TAF3: variants seen among roughly 807,000 people sequenced by gnomAD.
TAF3 encodes the protein transcription initiation factor TFIID subunit 3.
Under a neutral mutation model 80.6 loss-of-function variants are expected in TAF3, and 7 were observed. The ratio of observed to expected loss-of-function variants is 0.09; its 90% CI spans 0.05 to 0.16. TAF3 has a LOEUF of 0.16. Ranked by LOEUF, TAF3 falls within the 10% of genes least tolerant of loss-of-function variation. The pLI is 1.00. For synonymous variants in TAF3, 444 were observed against 446.1 expected (o/e 1.00, Z 0.06); for missense variants, 921 against 1,140.2 (o/e 0.81, Z 2.77).
chr10:7,846,174 G>A (rs1836970408), intron 2 of TAF3, among the ~76,000 whole-genome samples: 1 of 152,044 alleles, frequency 6.6e-6, no homozygotes, highest in South Asian at 2.1e-4. Flanking sequence ...AGCCAGGACG[G>A]TCTCGATCTC....
intron 2 of TAF3, among the ~76,000 whole-genome samples, chr10:7,897,636 A>C (rs1588543371): frequency 6.9e-6 from 1 of 143,910 alleles, no homozygotes; most frequent in African/African-American, 2.6e-5. Context: ...CCTTTCTCCT[A>C]GTTCCTATTC....
At chr10:8,001,920 C>T (rs937973361) in intron 4 of TAF3, among the ~76,000 whole-genome samples, 2 of 152,144 alleles carry the variant, frequency 1.3e-5, no homozygotes, top group African/African-American at 4.8e-5. Flanking sequence ...CAAACATTTT[C>T]CACTATAACA....
At chr10:7,915,405 G>A (rs1837701326) in intron 2 of TAF3, among the ~76,000 whole-genome samples, 1 of 150,126 alleles carries the variant, frequency 6.7e-6, no homozygotes, top group African/African-American at 2.4e-5. Context: ...AGCACTTTGG[G>A]AGGCCGAGAC....
At chr10:7,987,346 A>G (rs954252564) in intron 4 of TAF3, among the ~76,000 whole-genome samples, 2 of 152,084 alleles carry the variant, frequency 1.3e-5, no homozygotes, top group African/African-American at 2.4e-5. Flanking sequence ...ACTTAGAATT[A>G]TCTTACACAT....
chr10:7,975,775 A>G (rs1214189330), intron 3 of TAF3, among the ~76,000 whole-genome samples: 5 of 152,244 alleles, frequency 3.3e-5, no homozygotes, highest in East Asian at 1.9e-4. Context: ...TACATGTACT[A>G]TATTAACTTT....
chr10:7,988,572 C>CAAAAAAAAAAAAAAAAAAAAAAAAAAA (rs58825999), intron 4 of TAF3, among the ~76,000 whole-genome samples: 2 of 49,270 alleles, frequency 4.1e-5, no homozygotes, highest in African/African-American at 7.0e-5. Flanking sequence ...GACCCTGTCT[C>CAAAAAAAAAAAAAAAAAAAAAAAAAAA]AAAAAAAAAA....
intron 3 of TAF3, among the ~76,000 whole-genome samples, chr10:7,970,625 C>G (rs1053508400): frequency 6.6e-6 from 1 of 152,148 alleles, no homozygotes; most frequent in Non-Finnish European, 1.5e-5. Flanking sequence ...AATGTTAGTT[C>G]CTGGAGATAC....
chr10:7,998,514 C>T (rs1020215880), intron 4 of TAF3, among the ~76,000 whole-genome samples: 2 of 151,864 alleles, frequency 1.3e-5, no homozygotes, highest in African/African-American at 2.4e-5. Context: ...TTCTAATGGG[C>T]GCCATTATCA....
intron 2 of TAF3, among the ~76,000 whole-genome samples, chr10:7,878,054 C>T (rs534105035): frequency 2.6e-5 from 4 of 152,188 alleles, no homozygotes; most frequent in South Asian, 2.1e-4. Context: ...GTGCCTCTGG[C>T]GTGCAAAATA....
intron 2 of TAF3, among the ~76,000 whole-genome samples, chr10:7,929,894 G>A (rs529760347): frequency 3.9e-5 from 6 of 151,952 alleles, no homozygotes; most frequent in Middle Eastern, 6.8e-3. Context: ...TTACATGTCT[G>A]TATAAGTATT....
rs1832093611 is a variant in TAF3, at chr10:8,015,283, T to G, written c.*532T>G. Reference sequence around the variant, plus strand: ...ATATGAAGCTTCCCTCCTTCCCCCGTTTTTAGTACTAACATGTAAAATGTT... The same window carrying G: ...ATATGAAGCTTCCCTCCTTCCCCCGGTTTTAGTACTAACATGTAAAATGTT... On this transcript the variant is annotated 3_prime_UTR_variant, in exon 7 of 7. Transcript: ENST00000344293. 1 of 152,274 alleles carries G rather than the reference T, an allele frequency of 6.6e-6. No homozygotes were observed. The highest frequency in any genetic ancestry group is 6.5e-5 in the Admixed American group (1 of 15,294). The allele number at this position is 152,274 out of a possible 1,614,324, so 9.4% of individuals were successfully genotyped here. A position where few individuals can be genotyped will look rare whatever the true frequency, so the allele number is the denominator to read the frequency against.
intron 4 of TAF3, among the ~76,000 whole-genome samples, chr10:8,006,177 A>AAC (rs1256312972): frequency 2.8e-5 from 3 of 106,154 alleles, no homozygotes; most frequent in African/African-American, 3.9e-5. Flanking sequence ...TGAAAAAAAA[A>AAC]ATACACACAC....
rs554022961 is a variant in TAF3 at position 7,838,059 on chromosome 10, G to C, written c.409+13499G>C. On this transcript the variant is annotated intron_variant, in intron 2 of 6. Coordinates refer to ENST00000344293, the MANE Select transcript of TAF3 (RefSeq NM_031923.4). ...GAAACAGGTCCTAAAGGCAGATGCTGCTATCATTCCCATTTATGGAAGGAG... is the reference window on the plus strand; with the variant it reads ...GAAACAGGTCCTAAAGGCAGATGCTCCTATCATTCCCATTTATGGAAGGAG... Among the ~76,000 whole-genome samples, 5 of 152,272 alleles carry C rather than the reference G, an allele frequency of 3.3e-5. 1 individual carries two copies. In the East Asian group the frequency reaches 9.7e-4, roughly 29 times the overall value.
Position 7,818,625 on chromosome 10 carries a change from G to C in TAF3, c.-85G>C, listed in dbSNP as rs1588510527. 1.9e-5 allele frequency: 28 copies of C among 1,460,416 alleles called. No homozygotes were observed. The East Asian group carries it at 6.8e-4, about 36-fold the overall frequency. The allele number at this position is 1,460,416 out of a possible 1,614,324, so 90.5% of individuals were successfully genotyped here. On this transcript the variant is annotated 5_prime_UTR_variant, in exon 1 of 7. Transcript: ENST00000344293. Reference sequence around the variant, plus strand: ...CTTTCCCCGCCGCGGAAGCCCTAGAGGATGAATCGGGGACCCTGCTAAGGT... The same window carrying C: ...CTTTCCCCGCCGCGGAAGCCCTAGACGATGAATCGGGGACCCTGCTAAGGT...
At chr10:7,820,802 A>G (rs372579354) in intron 1 of TAF3, among the ~76,000 whole-genome samples, 1 of 152,206 alleles carries the variant, frequency 6.6e-6, no homozygotes, top group Non-Finnish European at 1.5e-5. Flanking sequence ...GCTCACTGAT[A>G]CATCTGAATG....
intron 2 of TAF3, among the ~76,000 whole-genome samples, chr10:7,944,203 C>G (rs1838003478): frequency 6.6e-6 from 1 of 150,390 alleles, no homozygotes. Flanking sequence ...ATTTTATTTT[C>G]TGTCTACTTA....
chr10:7,999,062 C>G (rs1211503855), intron 4 of TAF3, among the ~76,000 whole-genome samples: 1 of 152,048 alleles, frequency 6.6e-6, no homozygotes, highest in Admixed American at 6.6e-5. Flanking sequence ...AAACAGAAAT[C>G]TCAGTGGTCC....
At chr10:7,986,895 A>G (rs1831784060) in intron 4 of TAF3, among the ~76,000 whole-genome samples, 1 of 152,240 alleles carries the variant, frequency 6.6e-6, no homozygotes. Context: ...ATCAGGACAT[A>G]ATAGGCTTTC....
At position 7,965,699 on chromosome 10, in the gene TAF3, G is replaced by T. The variant is rs754951147; in HGVS notation, c.2189G>T (p.Arg730Leu). Residue 730 changes from arginine (R) to leucine (L), a missense_variant, in exon 3 of 7, where the codon CGA becomes CTA. Coordinates refer to ENST00000344293, the MANE Select transcript of TAF3 (RefSeq NM_031923.4). ...GAAAGAGAGAAAGAGAAGAGAGAGC[G>T]AGAGAAGAGAGAAAAAGAGAAGGAG... The part of the protein sequence containing the change: ...EKEREKEKRE[R>L]EKREKEKEKH... 3.2e-6 allele frequency: 5 copies of T among 1,550,062 alleles called. No individual in the cohort carries two copies. Among genetic ancestry groups the T allele is most frequent in the Non-Finnish European group, 4.3e-6 (5 of 1,158,146 alleles).
Sources: gnomAD v4.1 joint callset for allele counts (sites outside exome capture counted in the v4.1 genomes callset) on GRCh38, gnomAD v4.1.1 for gene constraint, MANE v1.5 for transcripts, NCBI Gene and HGNC (gene_info 2026-07-23, HGNC 2026-07-21) for gene names.